NCOR2: variants seen among roughly 807,000 people sequenced by gnomAD.
NCOR2 encodes the protein CTG repeat protein 26.
In NCOR2, 81 loss-of-function variants were observed where a neutral mutation model predicts 262.9. That is an observed-to-expected ratio of 0.31 (90% confidence interval 0.26 to 0.37). The LOEUF (loss-of-function observed/expected upper bound fraction) is 0.37. Ranked by LOEUF, NCOR2 falls within the 10% of genes least tolerant of loss-of-function variation. The probability of loss-of-function intolerance (pLI) is 1.00; values close to 1 mark genes in which losing one functional copy is unlikely to be tolerated. For missense variants in NCOR2, 3,385 were observed against 3,621.4 expected (o/e 0.93, Z 1.68); for synonymous variants, 1,659 against 1,559.3 (o/e 1.06, Z -1.51).
chr12:124,369,774 G>C (rs1036437378), intron 20 of NCOR2, among the ~76,000 whole-genome samples: 2 of 152,140 alleles, frequency 1.3e-5, no homozygotes, highest in African/African-American at 4.8e-5. Flanking sequence ...GCTGGACACT[G>C]GGCAAGGGGT....
chr12:124,372,662 A>C, intron 19 of NCOR2, 52 bp from the exon 22 acceptor site: 1 of 1,491,232 alleles, frequency 6.7e-7, no homozygotes, highest in East Asian at 2.3e-5. Context: ...CGGGGCCTCC[A>C]GAAGAGATGC....
chr12:124,370,548 A>G (rs1185389500), intron 20 of NCOR2, among the ~76,000 whole-genome samples: 1 of 152,200 alleles, frequency 6.6e-6, no homozygotes, highest in East Asian at 1.9e-4. Context: ...TGTAGTTGAA[A>G]TAAAATGGCC....
intron 19 of NCOR2, 47 bp from the exon 22 acceptor site, chr12:124,372,657 C>T (rs781727589): frequency 1.8e-5 from 27 of 1,523,702 alleles, no homozygotes; most frequent in Middle Eastern, 3.6e-4. Context: ...TCTGGCGGGG[C>T]CTCCAGAAGA....
At chr12:124,527,728 A>T (rs1197308372) in intron 1 of NCOR2, among the ~76,000 whole-genome samples, 4 of 152,166 alleles carry the variant, frequency 2.6e-5, no homozygotes, top group African/African-American at 4.8e-5. Context: ...CAGTCAATTA[A>T]ATAAATTATA....
chr12:124,396,573 C>T (rs1430285600), intron 16 of NCOR2, among the ~76,000 whole-genome samples: 1 of 151,904 alleles, frequency 6.6e-6, no homozygotes, highest in Non-Finnish European at 1.5e-5. Context: ...CGCTGGCATG[C>T]CTCTCACTCA....
rs1013828057 is a variant in NCOR2, at chr12:124,389,339, A to G, written c.1877-3452T>C. Among the ~76,000 whole-genome samples the G allele has an allele frequency of 2.6e-5, 4 of 151,856 alleles. No individual in the cohort carries two copies. The highest frequency in any genetic ancestry group is 9.7e-5 in the African/African-American group (4 of 41,304). On this transcript the variant is annotated intron_variant, in intron 16 of 46. Coordinates refer to ENST00000405201, the Ensembl canonical transcript of NCOR2. The surrounding 1 kb of genome is among the most constrained non-coding windows in gnomAD (Gnocchi z 4.4). ...CGGCAGGACTGAATGTGACCTCCAGACGGAGGCTCGCGGCGGGCGGGCAGG... is the reference window on the plus strand; with the variant it reads ...CGGCAGGACTGAATGTGACCTCCAGGCGGAGGCTCGCGGCGGGCGGGCAGG...
intron 7 of NCOR2, among the ~76,000 whole-genome samples, chr12:124,438,290 G>A (rs558130914): frequency 2.6e-5 from 4 of 151,856 alleles, no homozygotes; most frequent in South Asian, 2.1e-4. Context: ...CATGCACCCC[G>A]GCAGCCACAT....
At chr12:124,535,078 G>C (rs2051055503) in intron 1 of NCOR2, among the ~76,000 whole-genome samples, 1 of 152,222 alleles carries the variant, frequency 6.6e-6, no homozygotes, top group Non-Finnish European at 1.5e-5. Flanking sequence ...GCAGTGATAA[G>C]ACCAGGACCC....
intron 13 of NCOR2, among the ~76,000 whole-genome samples, chr12:124,408,209 C>A (rs1186976512): frequency 6.6e-6 from 1 of 152,146 alleles, no homozygotes; most frequent in Non-Finnish European, 1.5e-5. Context: ...AAACAATTAG[C>A]TGGGCTTGGT....
chr12:124,495,505 C>T (rs1331510283), upstream of NCOR2: 7 of 543,108 alleles, frequency 1.3e-5, no homozygotes, highest in Non-Finnish European at 1.2e-5. This position sits in a 1 kb window ranked among gnomAD's most constrained non-coding sequence, Gnocchi z 4.4. Context: ...CTCCTCCATC[C>T]ACTGCCACAC....
intron 1 of NCOR2, among the ~76,000 whole-genome samples, chr12:124,553,382 C>T (rs1247457887): frequency 6.6e-6 from 1 of 152,212 alleles, no homozygotes; most frequent in African/African-American, 2.4e-5. Flanking sequence ...GGACATCGTT[C>T]GGGGGACCAT....
At chr12:124,402,026 T>G (rs2042011815) in intron 14 of NCOR2, among the ~76,000 whole-genome samples, 1 of 152,178 alleles carries the variant, frequency 6.6e-6, no homozygotes, top group Non-Finnish European at 1.5e-5. Context: ...GGAGGGCCTC[T>G]GATCCCCCTT....
At chr12:124,414,006 C>T (rs1054857094) in intron 13 of NCOR2, among the ~76,000 whole-genome samples, 1 of 151,972 alleles carries the variant, frequency 6.6e-6, no homozygotes, top group Admixed American at 6.5e-5. Flanking sequence ...CTGGGGTCCC[C>T]GCATCCAGCA....
At chr12:124,340,824 C>G in intron 34 of NCOR2, 73 bp from the exon 37 acceptor site, 2 of 1,374,136 alleles carry the variant, frequency 1.5e-6, no homozygotes, top group Non-Finnish European at 1.9e-6. Context: ...GCCAGATCAC[C>G]CTCCTGGAGA....
At chr12:124,534,197 C>G (rs555462800) in intron 1 of NCOR2, among the ~76,000 whole-genome samples, 2 of 152,180 alleles carry the variant, frequency 1.3e-5, no homozygotes, top group Non-Finnish European at 2.9e-5. Context: ...TGGCTCACAC[C>G]TGTCATCCCA....
At chr12:124,532,778 G>A (rs538326941) in intron 1 of NCOR2, among the ~76,000 whole-genome samples, 7 of 152,244 alleles carry the variant, frequency 4.6e-5, no homozygotes, top group South Asian at 2.1e-4. Context: ...AGACCAGGCC[G>A]CTTTCCTTCC....
At chr12:124,535,894 C>CCACA (rs34572029), upstream of NCOR2, among the ~76,000 whole-genome samples, 1 of 151,246 alleles carries the variant, frequency 6.6e-6, no homozygotes, top group African/African-American at 2.4e-5. Flanking sequence ...TAAAGGCATC[C>CCACA]CACACCCTGG....
intron 8 of NCOR2, among the ~76,000 whole-genome samples, chr12:124,436,053 T>A (rs1171551815): frequency 1.3e-5 from 2 of 152,242 alleles, no homozygotes; most frequent in Non-Finnish European, 2.9e-5. Context: ...ACGCACGACC[T>A]GTCCCTGCAG....
intron 28 of NCOR2, among the ~76,000 whole-genome samples, chr12:124,349,836 A>AG (rs1467596088): frequency 6.6e-6 from 1 of 152,078 alleles, no homozygotes; most frequent in East Asian, 1.9e-4. Flanking sequence ...CACTCGGTCC[A>AG]GGGGCACCAG....
Sources: gnomAD v4.1 joint callset for allele counts (sites outside exome capture counted in the v4.1 genomes callset) on GRCh38, gnomAD v4.1.1 for gene constraint, Gnocchi (gnomAD v3.1) non-coding constraint, MANE v1.5 for transcripts, NCBI Gene and HGNC (gene_info 2026-07-23, HGNC 2026-07-21) for gene names.